ZFP92: variants seen among roughly 807,000 people sequenced by gnomAD.
ZFP92 encodes the protein ZFP92 zinc finger protein, also known as zinc finger protein 92 homolog.
ZFP92 carries 2 observed loss-of-function variants against 7.6 expected under a neutral mutation model. The ratio of observed to expected loss-of-function variants is 0.26; its 90% CI spans 0.11 to 0.83. ZFP92 has a LOEUF of 0.83. Among genes scored for constraint, ZFP92 ranks in the 40% least tolerant of loss-of-function variants. ZFP92 has a pLI of 0.65. For synonymous variants in ZFP92, 226 were observed against 183.6 expected (o/e 1.23, Z -1.87); for missense variants, 324 against 408.3 (o/e 0.79, Z 1.78).
rs1556976114 is a variant in ZFP92 at position 153,424,729 on chromosome X, A to G, written c.*3101A>G. 8.9e-6 allele frequency: 1 copy of G among 112,745 alleles called. No homozygotes were observed. The highest frequency in any genetic ancestry group is 3.2e-5 in the African/African-American group (1 of 31,027). 9.3% of individuals were successfully genotyped at this position (112,745 alleles called of 1,213,427 possible). On this transcript the variant is annotated 3_prime_UTR_variant, in exon 6 of 6. Transcript: ENST00000338647. The stretch of plus-strand genomic sequence containing the variant: ...ACATAAATGCTCTGGCAGTGTCTCC[A>G]TGTAACTAGTAAATTGTCCTGGCTG...
chrX:153,414,359 A>T (rs782085048), intron 2 of ZFP92, among the ~76,000 whole-genome samples: 1 of 111,189 alleles, frequency 9.0e-6, no homozygotes, highest in African/African-American at 3.3e-5. Context: ...ATAAAAATTA[A>T]TTTTTTGAGA....
At chrX:153,419,238 C>A (rs1412467712) in intron 4 of ZFP92, among the ~76,000 whole-genome samples, 1 of 112,805 alleles carries the variant, frequency 8.9e-6, no homozygotes, top group Non-Finnish European at 1.9e-5. Context: ...GGAGGTCCCA[C>A]ATAAGGACAA....
rs1315880628 is a variant in ZFP92, at chrX:153,422,184, G to A, written c.*556G>A. 1 of 111,793 alleles carries A rather than the reference G, an allele frequency of 8.9e-6. No individual in the cohort carries two copies. Among genetic ancestry groups the A allele is most frequent in the Non-Finnish European group, 1.9e-5 (1 of 53,210 alleles). 9.2% of individuals were successfully genotyped at this position (111,793 alleles called of 1,213,427 possible). On this transcript the variant is annotated 3_prime_UTR_variant, in exon 6 of 6. Transcript: ENST00000338647. ...GAGTTGTTAGTGTTCCCAAGTAGAA[G>A]ATACTGAAAGCACTTTAATCCTTTA...
intron 4 of ZFP92, among the ~76,000 whole-genome samples, chrX:153,419,416 C>T (rs782725954): frequency 8.9e-5 from 10 of 112,525 alleles, no homozygotes; most frequent in East Asian, 2.8e-4. Context: ...GGATGGGGGC[C>T]GGAGCACTCA....
In ZFP92 at chrX:153,420,698, A is replaced by G. The variant is rs2088991413; in HGVS notation, c.321A>G (p.Gln107=). Residue 107 remains glutamine, a synonymous_variant, in exon 6 of 6, where the codon CAA becomes CAG. Transcript: ENST00000338647. ...CAACGCAGAAGCATTCTGGACGACA[A>G]CTCCCCGGGGCCGATCCACAAGGTG... ...STSTQKHSGR[Q]LPGADPQGGK... is the part of the protein sequence containing the mutation. 8 of 1,131,824 alleles carry G rather than the reference A, an allele frequency of 7.1e-6. No homozygotes were observed. Among genetic ancestry groups the G allele is most frequent in the South Asian group, 2.1e-5 (1 of 48,027 alleles). 93.3% of individuals were successfully genotyped at this position (1,131,824 alleles called of 1,213,427 possible).
rs1024156344 is a variant in ZFP92, at chrX:153,411,648, G to C, written c.-123G>C. ...AGGAGGAGGCGGCGGCCTTGGCCTC[G>C]GGCCTGCCGGGAGCAGGAAGGGAGG... On this transcript the variant is annotated 5_prime_UTR_variant, in exon 1 of 6. Coordinates refer to ENST00000338647, the MANE Select transcript of ZFP92 (RefSeq NM_001136273.2). Among the ~76,000 whole-genome samples, 14 of 113,126 alleles carry C rather than the reference G, an allele frequency of 1.2e-4. No homozygotes were observed. The highest frequency in any genetic ancestry group is 1.7e-4 in the Non-Finnish European group (9 of 53,189).
chrX:153,418,419 C>T (rs1339587317), intron 3 of ZFP92, 64 bp downstream of exon 3: 1 of 1,134,677 alleles, frequency 8.8e-7, no homozygotes, highest in African/African-American at 1.8e-5. Flanking sequence ...CCTCCTCATG[C>T]CCAGGCCTCT....
chrX:153,418,063 G>A lies in ZFP92; in HGVS notation c.-18-242G>A, dbSNP rs913202150. 2.3e-4 allele frequency among the ~76,000 whole-genome samples: 26 copies of A among 112,124 alleles called. No individual in the cohort carries two copies. The East Asian group carries it at 2.8e-3, about 12-fold the overall frequency. ...TCTCGGACTTCTGGCCTCCAGAACC[G>A]GGAGAGAAAAATGTGTCTTGCTTGA... On this transcript the variant is annotated intron_variant, in intron 2 of 5. Coordinates refer to ENST00000338647, the MANE Select transcript of ZFP92 (RefSeq NM_001136273.2).
In ZFP92 at chrX:153,423,135, G is replaced by A. The variant is rs1556975743; in HGVS notation, c.*1507G>A. On this transcript the variant is annotated 3_prime_UTR_variant, in exon 6 of 6. Transcript: ENST00000338647. ...GCGCTGTCCCCAGAGCTGGGCTCAG[G>A]AGCTCTGCCCCTTGGTGCTCTCAGC... 1 of 112,142 alleles carries A rather than the reference G, an allele frequency of 8.9e-6. No individual in the cohort carries two copies. Among genetic ancestry groups the A allele is most frequent in the Non-Finnish European group, 1.9e-5 (1 of 53,130 alleles). The allele number at this position is 112,142 out of a possible 1,213,427, so 9.2% of individuals were successfully genotyped here.
rs1350525320 is a variant in ZFP92 at position 153,424,938 on chromosome X, A to C, written c.*3310A>C. The C allele has an allele frequency of 8.9e-6, 1 of 112,902 alleles. No individual in the cohort carries two copies. The highest frequency in any genetic ancestry group is 1.9e-5 in the Non-Finnish European group (1 of 53,411). 9.3% of individuals were successfully genotyped at this position (112,902 alleles called of 1,213,427 possible). A position where few individuals can be genotyped will look rare whatever the true frequency, so the allele number is the denominator to read the frequency against. On this transcript the variant is annotated 3_prime_UTR_variant, in exon 6 of 6. Transcript: ENST00000338647. ...AAGCCTGAGATTGTGGGGAATGGCC[A>C]GAGCTGGGCTTTGGGTGTTCCTTGT...
chrX:153,412,250 G>T (rs1045729723), intron 2 of ZFP92, among the ~76,000 whole-genome samples: 2 of 112,451 alleles, frequency 1.8e-5, no homozygotes, highest in Admixed American at 9.3e-5. Flanking sequence ...AGGAGGAAGC[G>T]AAGGGCCGAT....
Position 153,421,609 on chromosome X carries a change from C to A in ZFP92, c.1232C>A (p.Ser411Tyr). The A allele has an allele frequency of 1.0e-6, 1 of 995,640 alleles. No homozygotes were observed. Among genetic ancestry groups the A allele is most frequent in the Non-Finnish European group, 1.3e-6 (1 of 792,669 alleles). 82.1% of individuals were successfully genotyped at this position (995,640 alleles called of 1,213,427 possible). The change falls in exon 6 of 6, where the codon TCC becomes TAC. Residue 411 changes from serine to tyrosine, a missense_variant. Physicochemically the swap from Ser to Tyr is moderately radical, Grantham distance 144. Coordinates refer to ENST00000338647, the MANE Select transcript of ZFP92 (RefSeq NM_001136273.2). Reference sequence around the variant, plus strand: ...CGGCCGAGCACAGCCGCCAGGCCTTCCAGGCCCAGCCGCCGCTGACTCCCC... The same window carrying A: ...CGGCCGAGCACAGCCGCCAGGCCTTACAGGCCCAGCCGCCGCTGACTCCCC... Reference protein sequence around the residue: ...PPRPSTAARPSRPSRR With the variant: ...PPRPSTAARPYRPSRR
rs1556975134 is a variant in ZFP92, at chrX:153,421,396, G to A, written c.1019G>A (p.Arg340His). 2 of 1,156,662 alleles carry A rather than the reference G, an allele frequency of 1.7e-6. No homozygotes were observed. The highest frequency in any genetic ancestry group is 2.3e-6 in the Non-Finnish European group (2 of 871,937). The change falls in exon 6 of 6, where the codon CGC becomes CAC. Residue 340 changes from arginine (R) to histidine (H), a missense_variant. Arg to His is a conservative substitution (Grantham distance 29). Coordinates refer to ENST00000338647, the MANE Select transcript of ZFP92 (RefSeq NM_001136273.2). Reference sequence around the variant, plus strand: ...CGTTCGGGCCTCAGCCAGCACCGGCGCGTGCACAGCGGTGAGAAGCCCTAC... The same window carrying A: ...CGTTCGGGCCTCAGCCAGCACCGGCACGTGCACAGCGGTGAGAAGCCCTAC... ...RGRSGLSQHRRVHSGEKPYEC... is the reference protein window; with the variant it reads ...RGRSGLSQHRHVHSGEKPYEC...
chrX:153,412,250 G>A (rs1045729723), intron 2 of ZFP92, among the ~76,000 whole-genome samples: 4 of 112,451 alleles, frequency 3.6e-5, no homozygotes, highest in African/African-American at 9.7e-5. Context: ...AGGAGGAAGC[G>A]AAGGGCCGAT....
At chrX:153,415,274 C>T (rs2088942178) in intron 2 of ZFP92, among the ~76,000 whole-genome samples, 2 of 112,607 alleles carry the variant, frequency 1.8e-5, no homozygotes, top group South Asian at 7.3e-4. Context: ...GTTTTAGCCA[C>T]TATTTCAAAA....
At position 153,421,246 on chromosome X, in the gene ZFP92, A is replaced by G; in HGVS notation, c.869A>G (p.Lys290Arg). 1 of 1,176,900 alleles carries G rather than the reference A, an allele frequency of 8.5e-7. No individual in the cohort carries two copies. The highest frequency in any genetic ancestry group is 1.1e-6 in the Non-Finnish European group (1 of 878,609). The part of the protein sequence containing the change: ...IEHQRTHRGE[K>R]PYACGQCAKA... ...CACCAGCGCACGCACCGCGGCGAGA[A>G]GCCCTACGCCTGCGGCCAGTGCGCC... is the stretch of plus-strand genomic sequence containing the variant. The change falls in exon 6 of 6, where the codon AAG (lysine) becomes AGG (arginine). Residue 290 changes from lysine to arginine, a missense_variant. By Grantham distance (26) the Lys-to-Arg change is conservative. Transcript: ENST00000338647.
Position 153,420,925 on chromosome X carries a change from C to T in ZFP92, c.548C>T (p.Pro183Leu). Residue 183 changes from proline (P) to leucine (L), a missense_variant, in exon 6 of 6, where the codon CCC becomes CTC. Coordinates refer to ENST00000338647, the MANE Select transcript of ZFP92 (RefSeq NM_001136273.2). ...AGTGGCGAGAAGCCTTACGCGTGCC[C>T]CGAGTGCGGCAAGCTGTTTCGCCGC... Reference protein sequence around the residue: ...IHSGEKPYACPECGKLFRRSF... With the variant: ...IHSGEKPYACLECGKLFRRSF... The T allele has an allele frequency of 1.7e-6, 2 of 1,189,468 alleles. No individual in the cohort carries two copies. Among genetic ancestry groups the T allele is most frequent in the Non-Finnish European group, 2.3e-6 (2 of 884,425 alleles).
In ZFP92 at chrX:153,421,543, G is replaced by C; in HGVS notation, c.1166G>C (p.Ser389Thr). Residue 389 changes from serine to threonine, a missense_variant, in exon 6 of 6, where the codon AGC becomes ACC. Physicochemically the swap from Ser to Thr is moderately conservative, Grantham distance 58. Transcript: ENST00000338647. ...GCGCGGAGGCTAGCGGGCCCTGGGA[G>C]CACCGGCCCTGGGAGCGCGGTGGCG... ...ETARRLAGPG[S>T]TGPGSAVAAT... 12 of 1,106,534 alleles carry C rather than the reference G, an allele frequency of 1.1e-5. No individual in the cohort carries two copies. The highest frequency in any genetic ancestry group is 1.4e-5 in the Non-Finnish European group (12 of 851,449). The allele number at this position is 1,106,534 out of a possible 1,213,427, so 91.2% of individuals were successfully genotyped here. A position where few individuals can be genotyped will look rare whatever the true frequency, so the allele number is the denominator to read the frequency against.
Position 153,423,868 on chromosome X carries a change from G to A in ZFP92, c.*2240G>A, listed in dbSNP as rs2089024997. The A allele has an allele frequency of 8.8e-6, 1 of 113,938 alleles. No individual in the cohort carries two copies. Among genetic ancestry groups the A allele is most frequent in the Non-Finnish European group, 1.9e-5 (1 of 53,547 alleles). 9.4% of individuals were successfully genotyped at this position (113,938 alleles called of 1,213,427 possible). The stretch of plus-strand genomic sequence containing the variant: ...CCCAGAAATGCAATCCTCGTGCAGA[G>A]TAGGTGCCTGTGGCAGGAGGCCATG... On this transcript the variant is annotated 3_prime_UTR_variant, in exon 6 of 6. Transcript: ENST00000338647.
Sources: gnomAD v4.1 joint callset for allele counts (sites outside exome capture counted in the v4.1 genomes callset) on GRCh38, gnomAD v4.1.1 for gene constraint, MANE v1.5 for transcripts, NCBI Gene and HGNC (gene_info 2026-07-23, HGNC 2026-07-21) for gene names.